ADAM7: variants seen among roughly 807,000 people sequenced by gnomAD.
ADAM7 encodes the protein ADAM metallopeptidase domain 7.
ADAM7 carries 97 observed loss-of-function variants against 102.9 expected under a neutral mutation model. The observed-to-expected ratio is 0.94, with a 90% CI of 0.80 to 1.12. The LOEUF (loss-of-function observed/expected upper bound fraction) is 1.12. Ranked by LOEUF, ADAM7 falls within the 50% of genes most tolerant of loss-of-function variation. The probability of loss-of-function intolerance (pLI) is 0.00; values close to 1 mark genes in which losing one functional copy is unlikely to be tolerated. For synonymous variants in ADAM7, 334 were observed against 304.4 expected (o/e 1.10, Z -1.01); for missense variants, 991 against 908.7 (o/e 1.09, Z -1.16).
At chr8:24,449,882 C>T (rs1440708779) in intron 3 of ADAM7, among the ~76,000 whole-genome samples, 3 of 152,172 alleles carry the variant, frequency 2.0e-5, no homozygotes, top group African/African-American at 4.8e-5. Context: ...AGCCAGTTTT[C>T]CCAGCACCAT....
At chr8:24,459,194 T>C (rs1350692857) in intron 3 of ADAM7, among the ~76,000 whole-genome samples, 1 of 151,978 alleles carries the variant, frequency 6.6e-6, no homozygotes, top group Non-Finnish European at 1.5e-5. Context: ...AGTTTACTTA[T>C]AAGGGGTTAT....
intron 1 of ADAM7, among the ~76,000 whole-genome samples, chr8:24,442,225 C>A (rs1818399994): frequency 6.6e-6 from 1 of 151,908 alleles, no homozygotes; most frequent in Non-Finnish European, 1.5e-5. Flanking sequence ...CAGAACATGG[C>A]GAAAATATGG....
chr8:24,474,786 A>G (rs531529156), intron 7 of ADAM7, among the ~76,000 whole-genome samples: 4 of 152,060 alleles, frequency 2.6e-5, no homozygotes, highest in African/African-American at 7.2e-5. Flanking sequence ...TCCCAACTAC[A>G]TGGGAGGCTG....
intron 6 of ADAM7, 123 bp from the exon 7 acceptor site, chr8:24,468,644 T>A: frequency 1.3e-6 from 1 of 769,544 alleles, no homozygotes; most frequent in Admixed American, 2.4e-5. Flanking sequence ...TTCATATGCC[T>A]CCCCATTTTG....
chr8:24,469,256 C>T (rs1819528458), intron 7 of ADAM7, among the ~76,000 whole-genome samples: 1 of 152,048 alleles, frequency 6.6e-6, no homozygotes, highest in South Asian at 2.1e-4. Context: ...AAGCACAATA[C>T]TGAAATTTGG....
rs1446793518 is a variant in ADAM7, at chr8:24,499,220, G to A, written c.1843-16G>A. 2.6e-6 allele frequency: 4 copies of A among 1,556,830 alleles called. No homozygotes were observed. Among genetic ancestry groups the A allele is most frequent in the Non-Finnish European group, 3.5e-6 (4 of 1,151,814 alleles). On this transcript the variant is annotated splice_polypyrimidine_tract_variant and intron_variant, in intron 16 of 21. Coordinates refer to ENST00000175238, the MANE Select transcript of ADAM7 (RefSeq NM_003817.4). The stretch of plus-strand genomic sequence containing the variant: ...TGTAAGTCATTTTAATTCATGCTTG[G>A]TTACTTCATTTCTAGGTGTGCAACA...
chr8:24,477,688 AGAAATT>A (rs571876316), intron 8 of ADAM7, among the ~76,000 whole-genome samples: 56 of 152,202 alleles, frequency 3.7e-4, no homozygotes, highest in Non-Finnish European at 6.0e-4. Context: ...AATATTTCAA[AGAAATT>A]GAAATATTTC....
intron 20 of ADAM7, among the ~76,000 whole-genome samples, chr8:24,503,587 C>T (rs112721921): frequency 0.015 from 2,240 of 152,050 alleles, 58 homozygotes; most frequent in African/African-American, 0.05. Flanking sequence ...GTACGTTTAC[C>T]GCAGCACTAT....
intron 3 of ADAM7, among the ~76,000 whole-genome samples, chr8:24,450,550 G>C (rs1231212151): frequency 1.3e-5 from 2 of 152,094 alleles, no homozygotes; most frequent in African/African-American, 4.8e-5. Context: ...GAGATTTTGG[G>C]CTGAGACAAT....
intron 8 of ADAM7, among the ~76,000 whole-genome samples, chr8:24,476,868 TG>T (rs1157956013): frequency 6.6e-6 from 1 of 152,170 alleles, no homozygotes; most frequent in Non-Finnish European, 1.5e-5. Flanking sequence ...TTGTTGTCCA[TG>T]GTTTGGCATA....
chr8:24,499,729 A>G (rs13261041), intron 17 of ADAM7, among the ~76,000 whole-genome samples: 49,344 of 151,776 alleles, frequency 0.33, 8,222 homozygotes, highest in South Asian at 0.39. Context: ...ACTAATACCA[A>G]CAATTACTAA....
In ADAM7 at chr8:24,489,167, C is replaced by CACTGAATTT. The variant is rs758447307; in HGVS notation, c.1106_1107insTTTACTGAA (p.Leu368_Lys369insAsnLeuLeu). On this transcript the variant is annotated inframe_insertion, in exon 12 of 22. Transcript: ENST00000175238. ...CCTCATTCTATCTCTAGCATTCCTG[C>CACTGAATTT]ACTGAAATTCAGTAAATGCAGCCAA... The CACTGAATTT allele has an allele frequency of 6.2e-7, 1 of 1,610,144 alleles. No homozygotes were observed. Among genetic ancestry groups the CACTGAATTT allele is most frequent in the East Asian group, 2.2e-5 (1 of 44,778 alleles).
At chr8:24,457,219 T>C (rs1010310562) in intron 3 of ADAM7, among the ~76,000 whole-genome samples, 1 of 152,248 alleles carries the variant, frequency 6.6e-6, no homozygotes, top group African/African-American at 2.4e-5. Flanking sequence ...TGATCATTTG[T>C]ATATCTTTTT....
intron 7 of ADAM7, among the ~76,000 whole-genome samples, chr8:24,471,468 T>G (rs1819600095): frequency 6.6e-6 from 1 of 151,540 alleles, no homozygotes; most frequent in Admixed American, 6.6e-5. Flanking sequence ...GTACCAGGTT[T>G]TTTTTTTTTG....
At position 24,468,839 on chromosome 8, in the gene ADAM7, A is replaced by C. The variant is rs1362545295; in HGVS notation, c.633+19A>C. ...TACTGTGGTAAGTTTTCAATAGAAC[A>C]TTTCTCTCTTTATTCTTCCTTTTGG... On this transcript the variant is annotated intron_variant, in intron 7 of 21. Coordinates refer to ENST00000175238, the MANE Select transcript of ADAM7 (RefSeq NM_003817.4). The C allele has an allele frequency of 1.2e-6, 2 of 1,600,236 alleles. No homozygotes were observed. Among genetic ancestry groups the C allele is most frequent in the African/African-American group, 2.7e-5 (2 of 74,588 alleles).
At chr8:24,491,277 C>T (rs144002942) in intron 13 of ADAM7, among the ~76,000 whole-genome samples, 1 of 152,100 alleles carries the variant, frequency 6.6e-6, no homozygotes, top group Non-Finnish European at 1.5e-5. Context: ...GAAACGTTCC[C>T]GAGGAAGACA....
intron 20 of ADAM7, chr8:24,506,158 T>C (rs201080663): frequency 2.7e-5 from 42 of 1,548,370 alleles, no homozygotes; most frequent in Non-Finnish European, 3.6e-5. Flanking sequence ...ATCACACTGG[T>C]ACGTTCCCCT....
intron 12 of ADAM7, 83 bp downstream of exon 12, chr8:24,489,416 C>A: frequency 1.5e-6 from 2 of 1,318,620 alleles, no homozygotes; most frequent in Admixed American, 2.7e-5. Context: ...TTAATCAAAC[C>A]AACCGTGGTG....
At chr8:24,481,987 G>T (rs973676210) in intron 8 of ADAM7, among the ~76,000 whole-genome samples, 155 bp from the exon 9 acceptor site, 3 of 152,056 alleles carry the variant, frequency 2.0e-5, no homozygotes, top group Non-Finnish European at 4.4e-5. Context: ...GTCCCATTTT[G>T]ATATATCTGT....
Sources: gnomAD v4.1 joint callset for allele counts (sites outside exome capture counted in the v4.1 genomes callset) on GRCh38, gnomAD v4.1.1 for gene constraint, MANE v1.5 for transcripts, NCBI Gene and HGNC (gene_info 2026-07-23, HGNC 2026-07-21) for gene names.